Variants in TRHDE observed in about 807,000 individuals in gnomAD.
The protein encoded by TRHDE is thyrotropin-releasing hormone-degrading ectoenzyme.
TRHDE carries 72 observed loss-of-function variants against 125.7 expected under a neutral mutation model. The observed-to-expected ratio is 0.57, with a 90% CI of 0.47 to 0.70. TRHDE has a LOEUF of 0.70. TRHDE is among the 30% of genes least tolerant of loss of function. The pLI is 0.00. For synonymous variants in TRHDE, 509 were observed against 509.1 expected, an observed-to-expected ratio of 1.00 and a Z score of 0.00; for missense variants, 1,110 against 1,327.1, an observed-to-expected ratio of 0.84 and a Z score of 2.54.
intron 6 of TRHDE, among the ~76,000 whole-genome samples, chr12:72,522,138 G>T (rs912869911): frequency 1.3e-5 from 2 of 152,130 alleles, no homozygotes; most frequent in Non-Finnish European, 2.9e-5. Flanking sequence ...AACTTGCCCA[G>T]CATTGCAGTT....
At chr12:72,454,130 A>C (rs910380769) in intron 3 of TRHDE, among the ~76,000 whole-genome samples, 5 of 152,154 alleles carry the variant, frequency 3.3e-5, no homozygotes, top group Non-Finnish European at 5.9e-5. Flanking sequence ...TGTAGAGTGA[A>C]GTTCATTGTA....
At chr12:72,568,468 G>GAGA in intron 9 of TRHDE, 100 bp from the exon 10 acceptor site, 1 of 733,760 alleles carries the variant, frequency 1.4e-6, no homozygotes, top group Non-Finnish European at 2.2e-6. Flanking sequence ...TTCACCTAAT[G>GAGA]AGAGTAATAA....
chr12:72,164,272 T>A (rs1210438743), intron 2 of TRHDE, among the ~76,000 whole-genome samples: 1 of 152,160 alleles, frequency 6.6e-6, no homozygotes. Flanking sequence ...ATGTAGAATT[T>A]TATGTAATGA....
intron 2 of TRHDE, among the ~76,000 whole-genome samples, chr12:72,172,719 A>G (rs1265165671): frequency 6.6e-6 from 1 of 152,206 alleles, no homozygotes; most frequent in East Asian, 1.9e-4. Flanking sequence ...AGTTTTCATC[A>G]GTGTCCTAAT....
chr12:72,582,641 G>T, intron 12 of TRHDE: 1 of 984,358 alleles, frequency 1.0e-6, no homozygotes. Context: ...TTGATAGCTG[G>T]TTGTTTAAAT....
chr12:72,229,232 A>G (rs1878200252), intron 2 of TRHDE, among the ~76,000 whole-genome samples: 1 of 152,202 alleles, frequency 6.6e-6, no homozygotes, highest in African/African-American at 2.4e-5. Flanking sequence ...ACAGTTTCAT[A>G]CGGGTGGGGA....
chr12:72,271,842 C>A (rs1352631850), upstream of TRHDE: 1 of 447,068 alleles, frequency 2.2e-6, no homozygotes, highest in South Asian at 1.6e-5. Flanking sequence ...ATGGCCCGGC[C>A]GGACACTTCT....
intron 2 of TRHDE, among the ~76,000 whole-genome samples, chr12:72,147,260 CCT>C (rs1327838990): frequency 6.6e-6 from 1 of 152,072 alleles, no homozygotes; most frequent in African/African-American, 2.4e-5. Context: ...CCAGTATTTC[CCT>C]GTCTCTTGTC....
chr12:72,494,801 T>G (rs1026084784), intron 5 of TRHDE, among the ~76,000 whole-genome samples: 5 of 152,080 alleles, frequency 3.3e-5, no homozygotes, highest in African/African-American at 9.7e-5. Flanking sequence ...ATGCTAATAT[T>G]GTAATAAATA....
At chr12:72,142,892 C>A (rs1876149112) in intron 2 of TRHDE, among the ~76,000 whole-genome samples, 1 of 152,070 alleles carries the variant, frequency 6.6e-6, no homozygotes, top group Admixed American at 6.6e-5. Context: ...GCTCCCCATC[C>A]ATCTCACCGA....
At chr12:72,606,401 A>G (rs305403) in intron 12 of TRHDE, among the ~76,000 whole-genome samples, 82,339 of 152,074 alleles carry the variant, frequency 0.54, 26,448 homozygotes, top group Non-Finnish European at 0.72. Flanking sequence ...ATATAGATGC[A>G]TGGCACGTGA....
At chr12:72,546,287 C>A (rs1166920321) in intron 7 of TRHDE, among the ~76,000 whole-genome samples, 1 of 151,642 alleles carries the variant, frequency 6.6e-6, no homozygotes, top group African/African-American at 2.4e-5. Flanking sequence ...AGTCATAGAT[C>A]TCTGGTTCCC....
At chr12:72,377,720 C>T (rs77451766) in intron 2 of TRHDE, among the ~76,000 whole-genome samples, 26 of 152,186 alleles carry the variant, frequency 1.7e-4, no homozygotes, top group Middle Eastern at 3.4e-3. Context: ...TAAGTGATAA[C>T]GTTGAATATT....
chr12:72,134,966 T>C (rs1318311581), intron 2 of TRHDE, among the ~76,000 whole-genome samples: 3 of 152,168 alleles, frequency 2.0e-5, no homozygotes, highest in African/African-American at 7.2e-5. Flanking sequence ...AGACTCTTTA[T>C]GTTTGCTCTG....
intron 2 of TRHDE, among the ~76,000 whole-genome samples, chr12:72,130,992 A>G (rs1400990622): frequency 6.6e-6 from 1 of 150,932 alleles, no homozygotes; most frequent in African/African-American, 2.4e-5. Context: ...ACTGACAAAT[A>G]GTTTTCCCAA....
At chr12:72,641,198 AT>A (rs1184116047) in intron 15 of TRHDE, among the ~76,000 whole-genome samples, 2 of 152,020 alleles carry the variant, frequency 1.3e-5, no homozygotes, top group Non-Finnish European at 2.9e-5. Context: ...TATTTTAAAT[AT>A]TTTTTTCTTT....
chr12:72,429,420 C>T (rs1653786801), intron 3 of TRHDE, among the ~76,000 whole-genome samples: 1 of 150,980 alleles, frequency 6.6e-6, no homozygotes, highest in South Asian at 2.1e-4. Flanking sequence ...TTTATTTATC[C>T]ATTCATCAGG....
Position 72,666,796 on chromosome 12 carries a change from T to C in TRHDE, c.*3601T>C, listed in dbSNP as rs918983676. ...ATTTGCAGGATGTTAAACAACTGGA[T>C]GAAATGTTATGATTTAATTTGGTCA... On this transcript the variant is annotated 3_prime_UTR_variant, in exon 19 of 19. Coordinates refer to ENST00000261180, the MANE Select transcript of TRHDE (RefSeq NM_013381.3). 1 of 152,106 alleles carries C rather than the reference T, an allele frequency of 6.6e-6. No homozygotes were observed. The highest frequency in any genetic ancestry group is 2.4e-5 in the African/African-American group (1 of 41,456). The allele number at this position is 152,106 out of a possible 1,614,324, so 9.4% of individuals were successfully genotyped here.
chr12:72,649,505 A>G (rs1308272946), intron 15 of TRHDE, among the ~76,000 whole-genome samples: 2 of 152,254 alleles, frequency 1.3e-5, no homozygotes, highest in East Asian at 3.9e-4. Flanking sequence ...TTTCATGGAT[A>G]TGACATCAAA....
Sources: allele counts gnomAD v4.1 joint callset (sites outside exome capture counted in the v4.1 genomes callset), GRCh38; gene constraint gnomAD v4.1.1; transcripts MANE v1.5; gene names NCBI Gene and HGNC (gene_info 2026-07-23, HGNC 2026-07-21).